Variants in FAT3 observed in about 807,000 individuals in gnomAD.
The protein encoded by FAT3 is protocadherin Fat 3.
Under a neutral mutation model 310.2 loss-of-function variants are expected in FAT3, and 95 were observed. That is an observed-to-expected ratio of 0.31 (90% CI 0.26 to 0.36). The LOEUF (loss-of-function observed/expected upper bound fraction) is 0.36. Among genes scored for constraint, FAT3 ranks in the 10% least tolerant of loss-of-function variants. The pLI is 1.00. For missense variants in FAT3, 5,408 were observed against 5,715.6 expected, an observed-to-expected ratio of 0.95 and a Z score of 1.74; for synonymous variants, 2,314 against 2,192.9, an observed-to-expected ratio of 1.06 and a Z score of -1.54.
chr11:92,506,555 T>C (rs1217920018), intron 2 of FAT3, among the ~76,000 whole-genome samples: 2 of 152,186 alleles, frequency 1.3e-5, no homozygotes, highest in African/African-American at 2.4e-5. Context: ...TATGTTAATA[T>C]AAGGTCAGAA....
At chr11:92,255,483 A>G (rs929651151) in intron 1 of FAT3, among the ~76,000 whole-genome samples, 2 of 152,070 alleles carry the variant, frequency 1.3e-5, no homozygotes, top group Non-Finnish European at 1.5e-5. Context: ...AGCATATTAA[A>G]TATATGAATG....
At chr11:92,599,791 G>A (rs1194543417) in intron 3 of FAT3, among the ~76,000 whole-genome samples, 1 of 152,190 alleles carries the variant, frequency 6.6e-6, no homozygotes, top group Non-Finnish European at 1.5e-5. Flanking sequence ...ACATAGGGGA[G>A]TTGTCTAGAC....
chr11:92,741,761 G>A (rs1001749329), intron 4 of FAT3, among the ~76,000 whole-genome samples: 3 of 152,056 alleles, frequency 2.0e-5, no homozygotes, highest in African/African-American at 7.2e-5. Context: ...CATTTCCCCA[G>A]GGACTTGAAT....
rs767325217 is a variant in FAT3, at chr11:92,762,101, T to G, written c.3915T>G (p.Phe1305Leu). ...IVDGNDDGKFFIDPKTGMVSS... is the reference protein window; with the variant it reads ...IVDGNDDGKFLIDPKTGMVSS... Reference sequence around the variant, plus strand: ...ATGGGAATGATGACGGAAAGTTCTTTATTGACCCTAAAACTGGGATGGTTT... The same window carrying G: ...ATGGGAATGATGACGGAAAGTTCTTGATTGACCCTAAAACTGGGATGGTTT... Residue 1305 changes from phenylalanine to leucine, a missense_variant, in exon 5 of 28, where the codon TTT (phenylalanine) becomes TTG (leucine). Physicochemically the swap from Phe to Leu is conservative, Grantham distance 22. This residue lies in a region of FAT3 where 4,588 missense variants were observed against 4,809.8 expected (regional missense o/e 0.95). Transcript: ENST00000525166. The G allele has an allele frequency of 7.4e-6, 12 of 1,613,958 alleles. No homozygotes were observed. Among genetic ancestry groups the G allele is most frequent in the Non-Finnish European group, 5.1e-6 (6 of 1,179,864 alleles).
intron 1 of FAT3, among the ~76,000 whole-genome samples, chr11:92,319,656 T>C (rs1245866140): frequency 6.6e-6 from 1 of 152,210 alleles, no homozygotes; most frequent in Non-Finnish European, 1.5e-5. Flanking sequence ...TATTGAGGAT[T>C]TGAAATATTA....
chr11:92,655,138 A>G (rs932099308), intron 3 of FAT3, among the ~76,000 whole-genome samples: 4 of 152,050 alleles, frequency 2.6e-5, no homozygotes, highest in African/African-American at 9.7e-5. Context: ...ACTCAACACT[A>G]TTCACCCAAC....
chr11:92,448,854 T>C (rs1951283488), intron 2 of FAT3, among the ~76,000 whole-genome samples: 1 of 152,208 alleles, frequency 6.6e-6, no homozygotes, highest in Non-Finnish European at 1.5e-5. Context: ...TTCTGCTGTT[T>C]GGTTTTTCAT....
At position 92,298,699 on chromosome 11, in the gene FAT3, A is replaced by T. The variant is rs1003216529; in HGVS notation, c.-17-53397A>T. ...AAAGATGGTCGTTAATCAACTTCCA[A>T]TTTTTTTTCCTCCAGGCCAGGCAAC... is the stretch of plus-strand genomic sequence containing the variant. On this transcript the variant is annotated intron_variant, in intron 1 of 27. Coordinates refer to ENST00000525166, the MANE Select transcript of FAT3 (RefSeq NM_001367949.2). Among the ~76,000 whole-genome samples the T allele has an allele frequency of 3.9e-5, 6 of 151,928 alleles. No homozygotes were observed. The South Asian group carries it at 6.2e-4, about 16-fold the overall frequency.
intron 3 of FAT3, among the ~76,000 whole-genome samples, chr11:92,630,955 T>G (rs1298141107): frequency 6.6e-6 from 1 of 152,218 alleles, no homozygotes; most frequent in Non-Finnish European, 1.5e-5. Flanking sequence ...TTGGAAATTA[T>G]TATTTACAAA....
chr11:92,625,021 C>T (rs183627490), intron 3 of FAT3, among the ~76,000 whole-genome samples: 2 of 152,216 alleles, frequency 1.3e-5, no homozygotes, highest in East Asian at 3.9e-4. Context: ...CCCTAATGAC[C>T]TCATTTTAAT....
intron 23 of FAT3, 22 bp from the exon 24 acceptor site, chr11:92,882,715 GA>G (rs1949700678): frequency 1.0e-5 from 16 of 1,575,772 alleles, no homozygotes; most frequent in Non-Finnish European, 1.3e-5. Flanking sequence ...TGACGGTGGG[GA>G]GGGGCTTCTG....
At chr11:92,263,240 C>T (rs757392651) in intron 1 of FAT3, among the ~76,000 whole-genome samples, 12 of 150,460 alleles carry the variant, frequency 8.0e-5, no homozygotes, top group Non-Finnish European at 1.8e-4. Context: ...TTTTTTTTCT[C>T]GATTCACTTA....
At chr11:92,532,212 G>T (rs1378393602) in intron 3 of FAT3, among the ~76,000 whole-genome samples, 1 of 151,998 alleles carries the variant, frequency 6.6e-6, no homozygotes, top group Non-Finnish European at 1.5e-5. Context: ...TACCTAGAGG[G>T]AAGGAATGTT....
In FAT3 at chr11:92,809,812, A is replaced by G. The variant is rs564249457; in HGVS notation, c.9248-31A>G. The G allele has an allele frequency of 1.9e-5, 30 of 1,562,464 alleles. No individual in the cohort carries two copies. The South Asian group carries it at 3.4e-4, about 18-fold the overall frequency. ...AAAGAAAGACAGTTTTTAAAAACTC[A>G]GACCAATCATGCTGCCATTTATTTT... On this transcript the variant is annotated intron_variant, in intron 12 of 27. Coordinates refer to ENST00000525166, the MANE Select transcript of FAT3 (RefSeq NM_001367949.2).
intron 2 of FAT3, chr11:92,407,955 C>G (rs1950167623): frequency 6.6e-6 from 1 of 152,166 alleles, no homozygotes; most frequent in Admixed American, 6.5e-5. Context: ...GCCCATGAGG[C>G]AAAGTGGTGG....
chr11:92,528,529 G>C (rs1236813946), intron 3 of FAT3, among the ~76,000 whole-genome samples: 1 of 152,192 alleles, frequency 6.6e-6, no homozygotes, highest in Non-Finnish European at 1.5e-5. Context: ...TGGGACTACA[G>C]GCGCCTGCCA....
intron 2 of FAT3, among the ~76,000 whole-genome samples, chr11:92,443,486 G>A (rs1951127696): frequency 6.6e-6 from 1 of 152,154 alleles, no homozygotes. Context: ...AGTGATTTAA[G>A]CCCTTGACTT....
chr11:92,345,326 G>C (rs1181191093), intron 1 of FAT3, among the ~76,000 whole-genome samples: 1 of 152,108 alleles, frequency 6.6e-6, no homozygotes, highest in African/African-American at 2.4e-5. Flanking sequence ...AAGGAGCTAT[G>C]GTCCAATGTA....
chr11:92,791,658 C>A (rs1947042959), intron 8 of FAT3, among the ~76,000 whole-genome samples: 4 of 152,188 alleles, frequency 2.6e-5, no homozygotes, highest in Admixed American at 2.6e-4. Context: ...GGTACTATTT[C>A]TGAAAACCCC....
Sources: gnomAD v4.1 joint callset for allele counts (sites outside exome capture counted in the v4.1 genomes callset) on GRCh38, gnomAD v4.1.1 for gene constraint, gnomAD v4.1.1 regional missense constraint, MANE v1.5 for transcripts, NCBI Gene and HGNC (gene_info 2026-07-23, HGNC 2026-07-21) for gene names.